PTBP3: variants seen among roughly 807,000 people sequenced by gnomAD.
PTBP3 encodes the protein polypyrimidine tract binding protein 3, also known as polypyrimidine tract-binding protein 3.
A neutral mutation model predicts 58.7 loss-of-function variants in PTBP3; 20 were observed. The observed-to-expected ratio is 0.34, with a 90% confidence interval of 0.24 to 0.50. PTBP3 has a LOEUF of 0.50. Ranked by LOEUF, PTBP3 falls within the 20% of genes least tolerant of loss-of-function variation. The pLI, the probability that PTBP3 is intolerant of heterozygous loss-of-function variation, is 0.98. For synonymous variants in PTBP3, 185 were observed against 219.8 expected, an observed-to-expected ratio of 0.84 and a Z score of 1.40; for missense variants, 509 against 637.2, an observed-to-expected ratio of 0.80 and a Z score of 2.17.
chr9:112,309,513 G>T (rs1043072514), intron 1 of PTBP3, among the ~76,000 whole-genome samples: 5 of 152,104 alleles, frequency 3.3e-5, no homozygotes, highest in Admixed American at 3.3e-4. Flanking sequence ...GGCCGGGTGT[G>T]GTGGCTCACT....
chr9:112,331,155 T>C (rs949988506), intron 1 of PTBP3, among the ~76,000 whole-genome samples: 1 of 150,072 alleles, frequency 6.7e-6, no homozygotes, highest in Admixed American at 6.6e-5. Flanking sequence ...GAGGAGGAAC[T>C]AGAAAGATAT....
At chr9:112,338,321 A>G (rs1437212556), upstream of PTBP3, among the ~76,000 whole-genome samples, 1 of 151,308 alleles carries the variant, frequency 6.6e-6, no homozygotes, top group Non-Finnish European at 1.5e-5. Flanking sequence ...CACATGCATG[A>G]AAAAGTGACA....
rs1025008399 is a variant in PTBP3 at position 112,286,212 on chromosome 9, T to C, written c.35-10199A>G. On this transcript the variant is annotated intron_variant, in intron 2 of 13. Transcript: ENST00000374257. ...CCTGAGATTTCATATTTAAAATGGG[T>C]TTCTTATACACATCAAGTAACTCAG... 1.1e-4 allele frequency among the ~76,000 whole-genome samples: 16 copies of C among 152,276 alleles called. 1 individual carries two copies. Among genetic ancestry groups the C allele is most frequent in the Non-Finnish European group, 1.8e-4 (12 of 68,026 alleles).
At chr9:112,306,777 G>A (rs1279896676) in intron 1 of PTBP3, among the ~76,000 whole-genome samples, 2 of 151,664 alleles carry the variant, frequency 1.3e-5, no homozygotes, top group South Asian at 2.1e-4. Context: ...CACCATGCCC[G>A]GCTAATTTTT....
chr9:112,318,771 A>AC (rs1564460095), intron 1 of PTBP3, among the ~76,000 whole-genome samples: 1 of 152,018 alleles, frequency 6.6e-6, no homozygotes, highest in Non-Finnish European at 1.5e-5. Context: ...AAAAAAAAAA[A>AC]AATTGAGATA....
At chr9:112,349,918 T>C in the PTBP3 span, among the ~76,000 whole-genome samples, 8 of 142,620 alleles carry the variant, frequency 5.6e-5, no homozygotes, top group Non-Finnish European at 1.5e-5. Flanking sequence ...GGACACCCAG[T>C]TGGAAATTGC....
the PTBP3 span, among the ~76,000 whole-genome samples, chr9:112,346,699 A>G: frequency 1.3e-5 from 2 of 152,214 alleles, no homozygotes; most frequent in Non-Finnish European, 2.9e-5. Context: ...TTAAGGTTAG[A>G]GACATACACA....
chr9:112,277,115 C>A (rs1341665555), intron 2 of PTBP3, among the ~76,000 whole-genome samples: 1 of 152,164 alleles, frequency 6.6e-6, no homozygotes, highest in East Asian at 1.9e-4. Flanking sequence ...CCATCCATAT[C>A]TGTGGCACAG....
At chr9:112,262,792 C>T (rs892653526) in intron 4 of PTBP3, among the ~76,000 whole-genome samples, 193 bp from the exon 5 acceptor site, 5 of 152,166 alleles carry the variant, frequency 3.3e-5, no homozygotes, top group Non-Finnish European at 4.4e-5. Flanking sequence ...CACAATGACA[C>T]AGTATTTTTA....
chr9:112,303,386 T>G (rs1829033263), intron 1 of PTBP3, among the ~76,000 whole-genome samples: 1 of 152,216 alleles, frequency 6.6e-6, no homozygotes, highest in Non-Finnish European at 1.5e-5. Context: ...TCTTCCTGTA[T>G]GTATAATTAT....
At chr9:112,365,936 T>C in the PTBP3 span, among the ~76,000 whole-genome samples, 1 of 152,162 alleles carries the variant, frequency 6.6e-6, no homozygotes, top group Admixed American at 6.5e-5. Context: ...ATTTGCAGCG[T>C]GACAATGCGA....
Position 112,220,840 on chromosome 9 carries a change from A to C in PTBP3, c.*3011T>G. 1 of 970,242 alleles carries C rather than the reference A, an allele frequency of 1.0e-6. No homozygotes were observed. Among genetic ancestry groups the C allele is most frequent in the Admixed American group, 6.2e-5 (1 of 16,254 alleles). The allele number at this position is 970,242 out of a possible 1,614,324, so 60.1% of individuals were successfully genotyped here. A position where few individuals can be genotyped will look rare whatever the true frequency, so the allele number is the denominator to read the frequency against. On this transcript the variant is annotated 3_prime_UTR_variant, in exon 14 of 14. Transcript: ENST00000374257. ...ATATACTTTGTGTAGAAGTCAAGAC[A>C]CCTTGAAAAGTGATGACAATACTCC... is the stretch of plus-strand genomic sequence containing the variant.
intron 1 of PTBP3, among the ~76,000 whole-genome samples, chr9:112,333,259 G>A (rs937791566): frequency 1.3e-5 from 2 of 152,142 alleles, no homozygotes; most frequent in African/African-American, 4.8e-5. Flanking sequence ...GGCGCCGCGT[G>A]GGGAAAGGAG....
intron 7 of PTBP3, among the ~76,000 whole-genome samples, chr9:112,250,198 G>A (rs997961301): frequency 1.3e-5 from 2 of 151,892 alleles, no homozygotes; most frequent in Admixed American, 6.6e-5. Flanking sequence ...AATATTTTAC[G>A]GTGTTATTTG....
chr9:112,222,201 G>A lies in PTBP3; in HGVS notation c.*1650C>T, dbSNP rs1398901115. On this transcript the variant is annotated 3_prime_UTR_variant, in exon 14 of 14. Transcript: ENST00000374257. The stretch of plus-strand genomic sequence containing the variant: ...AAAAATGACCCTTTTGACAAATTCT[G>A]CTTTAAAAAATTCTGATCAACAATT... 3.1e-6 allele frequency: 3 copies of A among 983,480 alleles called. No homozygotes were observed. Among genetic ancestry groups the A allele is most frequent in the Non-Finnish European group, 3.6e-6 (3 of 827,886 alleles). 60.9% of individuals were successfully genotyped at this position (983,480 alleles called of 1,614,324 possible).
the PTBP3 span, among the ~76,000 whole-genome samples, chr9:112,374,231 A>G: frequency 6.6e-6 from 1 of 152,204 alleles, no homozygotes; most frequent in Non-Finnish European, 1.5e-5. Context: ...AGGTAGGAGG[A>G]GCACAAAATG....
At chr9:112,350,955 C>T in the PTBP3 span, among the ~76,000 whole-genome samples, 5 of 152,152 alleles carry the variant, frequency 3.3e-5, no homozygotes, top group East Asian at 3.9e-4. Context: ...CCCGCCACCA[C>T]GCCCAGCTAA....
At chr9:112,286,423 T>C (rs992936151) in intron 2 of PTBP3, among the ~76,000 whole-genome samples, 6 of 152,226 alleles carry the variant, frequency 3.9e-5, no homozygotes, top group Non-Finnish European at 7.3e-5. Context: ...TTTGGTATTC[T>C]ATTTCATTTA....
At chr9:112,235,321 G>A (rs569410291) in intron 7 of PTBP3, among the ~76,000 whole-genome samples, 5 of 152,254 alleles carry the variant, frequency 3.3e-5, no homozygotes, top group African/African-American at 1.2e-4. Flanking sequence ...CATGATGAGG[G>A]TCGAAAGGTA....
Sources: gnomAD v4.1 joint callset for allele counts (sites outside exome capture counted in the v4.1 genomes callset) on GRCh38, gnomAD v4.1.1 for gene constraint, MANE v1.5 for transcripts, NCBI Gene and HGNC (gene_info 2026-07-23, HGNC 2026-07-21) for gene names.